CCZ1B: variants seen among roughly 807,000 people sequenced by gnomAD.
The protein encoded by CCZ1B is CCZ1B vacuolar protein trafficking and biogenesis associated.
A neutral mutation model predicts 58.8 loss-of-function variants in CCZ1B; 25 were observed. The observed-to-expected ratio is 0.43, with a 90% CI of 0.31 to 0.59. The LOEUF (loss-of-function observed/expected upper bound fraction) is 0.59, where lower values mean the gene tolerates loss of function less well. Ranked by LOEUF, CCZ1B falls within the 20% of genes least tolerant of loss-of-function variation. CCZ1B has a pLI of 0.12. For synonymous variants in CCZ1B, 66 were observed against 173.2 expected, an observed-to-expected ratio of 0.38 and a Z score of 4.86; for missense variants, 180 against 501.5, an observed-to-expected ratio of 0.36 and a Z score of 6.12.
intron 10 of CCZ1B, 158 bp downstream of exon 10, chr7:6,811,794 T>C: frequency 2.9e-6 from 2 of 690,118 alleles, no homozygotes; most frequent in Non-Finnish European, 4.8e-6. Context: ...ATAAACTTAT[T>C]ACGCTGGAAG....
chr7:6,815,019 TCTAC>T (rs2073361429), intron 7 of CCZ1B, among the ~76,000 whole-genome samples, 174 bp from the exon 8 acceptor site: 1 of 147,882 alleles, frequency 6.8e-6, no homozygotes, highest in South Asian at 2.2e-4. Context: ...AATCTATTTT[TCTAC>T]CTGAGATCAA....
rs931361785 is a variant in CCZ1B, at chr7:6,810,319, CTTTCT to C, written c.954+1628_954+1632del. On this transcript the variant is annotated intron_variant, in intron 10 of 14. Transcript: ENST00000316731. ...TGAGCCACCATGCCCCGGCTAATGT[CTTTCT>C]TTTGTCTTATCTGTGGTTGACAGCT... Among the ~76,000 whole-genome samples, 9 of 148,226 alleles carry C rather than the reference CTTTCT, an allele frequency of 6.1e-5. 2 individuals are homozygous for C. The highest frequency in any genetic ancestry group is 7.2e-3 in the Middle Eastern group (2 of 278).
rs1783036473 is a variant in CCZ1B at position 6,818,183 on chromosome 7, G to T, written c.698+1583C>A. ...TTTGGCAGGGAAGGTAAATTTTAGGGGAACTAGTTTTGCCTTTTCTATTAG... is the reference window on the plus strand; with the variant it reads ...TTTGGCAGGGAAGGTAAATTTTAGGTGAACTAGTTTTGCCTTTTCTATTAG... On this transcript the variant is annotated intron_variant, in intron 7 of 14. Transcript: ENST00000316731. Among the ~76,000 whole-genome samples the T allele has an allele frequency of 1.3e-5, 2 of 149,682 alleles. 1 individual carries two copies. Among genetic ancestry groups the T allele is most frequent in the South Asian group, 4.2e-4 (2 of 4,726 alleles).
chr7:6,821,261 C>T (rs1184504749), intron 6 of CCZ1B, among the ~76,000 whole-genome samples: 3 of 149,842 alleles, frequency 2.0e-5, no homozygotes, highest in African/African-American at 2.5e-5. Flanking sequence ...CTGCCCGCCT[C>T]GGCCTCCCAA....
intron 8 of CCZ1B, 77 bp from the exon 9 acceptor site, chr7:6,813,114 C>G (rs1362463572): frequency 1.0e-6 from 1 of 976,230 alleles, no homozygotes; most frequent in Non-Finnish European, 1.5e-6. Context: ...ACAGCATTAT[C>G]TACTAATTGG....
chr7:6,821,878 T>A (rs1783117027), intron 6 of CCZ1B, among the ~76,000 whole-genome samples: 1 of 149,816 alleles, frequency 6.7e-6, no homozygotes, highest in Non-Finnish European at 1.5e-5. Context: ...TCAAGACAGT[T>A]TACGCCCGTT....
At chr7:6,818,439 C>T (rs1783041899) in intron 7 of CCZ1B, among the ~76,000 whole-genome samples, 1 of 149,154 alleles carries the variant, frequency 6.7e-6, no homozygotes, top group Non-Finnish European at 1.5e-5. Flanking sequence ...ATCCCAGCTA[C>T]CTGGGAGGCT....
At chr7:6,825,661 ACACC>A (rs1783184534) in intron 1 of CCZ1B, among the ~76,000 whole-genome samples, 2 of 124,880 alleles carry the variant, frequency 1.6e-5, no homozygotes, top group African/African-American at 3.2e-5. Flanking sequence ...ACACACACAC[ACACC>A]CCTCCCGAAA....
Position 6,823,220 on chromosome 7 carries a change from C to A in CCZ1B, c.438+93G>T. The stretch of plus-strand genomic sequence containing the variant: ...CTAAGACAAATACAGAGTCACTTTG[C>A]AGTCATTTATAGACTTCTCTTTAAA... On this transcript the variant is annotated intron_variant, in intron 5 of 14. Coordinates refer to ENST00000316731, the MANE Select transcript of CCZ1B (RefSeq NM_198097.5). 3.3e-6 allele frequency: 5 copies of A among 1,517,926 alleles called. 1 individual carries two copies. The highest frequency in any genetic ancestry group is 4.5e-6 in the Non-Finnish European group (5 of 1,113,494). The allele number at this position is 1,517,926 out of a possible 1,614,324, so 94.0% of individuals were successfully genotyped here. A position where few individuals can be genotyped will look rare whatever the true frequency, so the allele number is the denominator to read the frequency against.
rs1343725594 is a variant in CCZ1B at position 6,818,254 on chromosome 7, A to G, written c.698+1512T>C. 4.7e-5 allele frequency among the ~76,000 whole-genome samples: 7 copies of G among 149,792 alleles called. 2 individuals carry two copies. Among genetic ancestry groups the G allele is most frequent in the African/African-American group, 1.8e-4 (7 of 39,792 alleles). On this transcript the variant is annotated intron_variant, in intron 7 of 14. Transcript: ENST00000316731. The stretch of plus-strand genomic sequence containing the variant: ...TACCATATGGCCACACCCCTAATTA[A>G]GAAACGGGGCTAGGCCAGGTGCGGT...
rs1418528249 is a variant in CCZ1B, at chr7:6,807,012, ACAACAGGAGT to A, written c.955-985_955-976del. 9.3e-4 allele frequency: 123 copies of A among 131,558 alleles called. 2 individuals are homozygous for A. The highest frequency in any genetic ancestry group is 3.3e-3 in the African/African-American group (117 of 35,528). The allele number at this position is 131,558 out of a possible 1,614,324, so 8.1% of individuals were successfully genotyped here. The stretch of plus-strand genomic sequence containing the variant: ...CTGACCTTTCGTCTTAAGATCCTGG[ACAACAGGAGT>A]CAACTAAACCTAAAGCAAGTGGGGC... On this transcript the variant is annotated intron_variant, in intron 10 of 14. Coordinates refer to ENST00000316731, the MANE Select transcript of CCZ1B (RefSeq NM_198097.5).
At chr7:6,814,436 C>T (rs1254208791) in intron 8 of CCZ1B, among the ~76,000 whole-genome samples, 4 of 149,432 alleles carry the variant, frequency 2.7e-5, no homozygotes, top group Non-Finnish European at 4.4e-5. Flanking sequence ...CTAGGGAGGC[C>T]GAGGCAAGGA....
chr7:6,819,306 G>C (rs1263486430), intron 7 of CCZ1B, among the ~76,000 whole-genome samples: 3 of 146,468 alleles, frequency 2.0e-5, no homozygotes, highest in Non-Finnish European at 4.5e-5. Flanking sequence ...TGCCATCTCG[G>C]CTCACTGCAA....
chr7:6,824,226 CTTAAT>C (rs1783159641), intron 3 of CCZ1B, 60 bp from the exon 4 acceptor site: 1 of 1,535,652 alleles, frequency 6.5e-7, no homozygotes, highest in Admixed American at 2.4e-5. Context: ...TTTATTTTGC[CTTAAT>C]TTAAAAACTT....
intron 7 of CCZ1B, among the ~76,000 whole-genome samples, chr7:6,817,298 G>A (rs955913298): frequency 6.6e-6 from 1 of 151,570 alleles, no homozygotes; most frequent in African/African-American, 2.4e-5. Context: ...GGTCACTCTG[G>A]CTCCAGGGTC....
intron 7 of CCZ1B, among the ~76,000 whole-genome samples, chr7:6,818,542 C>T (rs1354014528): frequency 2.2e-5 from 3 of 137,978 alleles, no homozygotes; most frequent in East Asian, 2.0e-4. Flanking sequence ...AGTGAGACTC[C>T]GTTAGAAAGA....
At chr7:6,816,865 G>T (rs560735888) in intron 7 of CCZ1B, among the ~76,000 whole-genome samples, 68 of 151,404 alleles carry the variant, frequency 4.5e-4, no homozygotes, top group African/African-American at 1.6e-3. Context: ...TGATTCTCCA[G>T]CCTCAACCTC....
intron 5 of CCZ1B, 141 bp downstream of exon 5, chr7:6,823,172 C>G: frequency 1.1e-6 from 1 of 878,440 alleles, no homozygotes; most frequent in South Asian, 1.9e-5. Flanking sequence ...CTACCTGTTT[C>G]AAAGGCCTCA....
At position 6,801,937 on chromosome 7, in the gene CCZ1B, G is replaced by A. The variant is rs1473875572; in HGVS notation, c.1107-414C>T. ...CGCCATTGCCACATGTTCATGTGCT[G>A]TCTGTCTGCTTTCCCACCAAAATGA... On this transcript the variant is annotated intron_variant, in intron 12 of 14. Coordinates refer to ENST00000316731, the MANE Select transcript of CCZ1B (RefSeq NM_198097.5). Among the ~76,000 whole-genome samples the A allele has an allele frequency of 1.4e-4, 16 of 117,602 alleles. 3 individuals are homozygous for A. Among genetic ancestry groups the A allele is most frequent in the Non-Finnish European group, 7.1e-5 (4 of 56,474 alleles). The allele number at this position is 117,602 out of a possible 152,430, so 77.2% of individuals were successfully genotyped here.
Sources: gnomAD v4.1 joint callset for allele counts (sites outside exome capture counted in the v4.1 genomes callset) on GRCh38, gnomAD v4.1.1 for gene constraint, MANE v1.5 for transcripts, NCBI Gene and HGNC (gene_info 2026-07-23, HGNC 2026-07-21) for gene names.